Variants in EEIG1 observed in about 807,000 individuals in gnomAD.
EEIG1 encodes the protein early estrogen-induced gene 1 protein.
chr9:127,970,733 ACTC>A, the EEIG1 span, among the ~76,000 whole-genome samples: 1 of 149,480 alleles, frequency 6.7e-6, no homozygotes, highest in East Asian at 2.0e-4. Context: ...CCTCCCCTTG[ACTC>A]CTCCTGACTT....
At chr9:127,957,041 C>T in the EEIG1 span, among the ~76,000 whole-genome samples, 1 of 152,202 alleles carries the variant, frequency 6.6e-6, no homozygotes, top group Admixed American at 6.5e-5. Context: ...TGTGGTGGCT[C>T]ATGTATGTAA....
the EEIG1 span, chr9:127,953,771 A>T: frequency 6.2e-7 from 1 of 1,613,926 alleles, no homozygotes; most frequent in Non-Finnish European, 8.5e-7. Flanking sequence ...CCTATAGCCC[A>T]GCCCAGCAGC....
the EEIG1 span, among the ~76,000 whole-genome samples, chr9:127,980,837 G>C: frequency 1.3e-5 from 2 of 149,350 alleles, no homozygotes; most frequent in Non-Finnish European, 3.0e-5. Flanking sequence ...CTCGATCCTG[G>C]GACCCGCGCC....
the EEIG1 span, among the ~76,000 whole-genome samples, chr9:127,959,006 T>A: frequency 6.6e-6 from 1 of 152,202 alleles, no homozygotes; most frequent in Non-Finnish European, 1.5e-5. Flanking sequence ...ATGGCTAGAA[T>A]CAAAGGCGAA....
chr9:127,975,110 G>C, the EEIG1 span, among the ~76,000 whole-genome samples: 1 of 152,256 alleles, frequency 6.6e-6, no homozygotes, highest in African/African-American at 2.4e-5. Flanking sequence ...AGGGACCAGG[G>C]GGGTGGAGGC....
the EEIG1 span, among the ~76,000 whole-genome samples, chr9:127,965,778 C>T: frequency 6.6e-6 from 1 of 152,232 alleles, no homozygotes; most frequent in Non-Finnish European, 1.5e-5. Context: ...AGAATACAGC[C>T]GCCTGGGAGG....
At chr9:127,967,619 C>T in the EEIG1 span, among the ~76,000 whole-genome samples, 2 of 152,176 alleles carry the variant, frequency 1.3e-5, no homozygotes, top group African/African-American at 4.8e-5. Context: ...CACAGAGCTT[C>T]GGGGCTGGCT....
the EEIG1 span, chr9:127,963,618 ACTCTCCAGGAG>A: frequency 6.6e-6 from 1 of 152,132 alleles, no homozygotes; most frequent in African/African-American, 2.4e-5. Flanking sequence ...GCCCAGCAGA[ACTCTCCAGGAG>A]CTCTCCCAGC....
At chr9:127,944,838 C>G in the EEIG1 span, 1 of 1,612,374 alleles carries the variant, frequency 6.2e-7, no homozygotes, top group Non-Finnish European at 8.5e-7. Flanking sequence ...CGATGGCATC[C>G]GCATCGATCC....
At chr9:127,953,657 C>T in the EEIG1 span, 2 of 1,609,026 alleles carry the variant, frequency 1.2e-6, no homozygotes, top group Admixed American at 1.7e-5. Context: ...TCCCAGGGAC[C>T]TCATGCATCT....
chr9:127,942,975 T>C, the EEIG1 span: 1 of 598,944 alleles, frequency 1.7e-6, no homozygotes, highest in Non-Finnish European at 3.0e-6. Context: ...AGGAGAATAT[T>C]CACAGTGGTG....
chr9:127,980,343 G>C, the EEIG1 span: 1 of 535,648 alleles, frequency 1.9e-6, no homozygotes, highest in South Asian at 2.3e-5. Context: ...TCACCCTCGG[G>C]GAGCCGGGGC....
chr9:127,980,269 G>C, the EEIG1 span: 4 of 1,083,542 alleles, frequency 3.7e-6, no homozygotes, highest in Non-Finnish European at 5.3e-6. Context: ...GGAGACGGCG[G>C]AGATCGGAGT....
At chr9:127,977,140 C>G in the EEIG1 span, among the ~76,000 whole-genome samples, 1 of 152,232 alleles carries the variant, frequency 6.6e-6, no homozygotes, top group African/African-American at 2.4e-5. Context: ...CCACACCTAC[C>G]CAACAGCAAA....
chr9:127,979,026 G>GA, the EEIG1 span, among the ~76,000 whole-genome samples: 5 of 149,770 alleles, frequency 3.3e-5, no homozygotes, highest in African/African-American at 4.9e-5. Flanking sequence ...CCCCAAAAAA[G>GA]AAAAAAAAAT....
At chr9:127,943,271 C>A in the EEIG1 span, 2 of 1,609,758 alleles carry the variant, frequency 1.2e-6, no homozygotes, top group Non-Finnish European at 1.7e-6. Flanking sequence ...ATGTCCCCCT[C>A]GATACCCCAT....
the EEIG1 span, among the ~76,000 whole-genome samples, chr9:127,977,544 T>C: frequency 6.6e-6 from 1 of 152,192 alleles, no homozygotes; most frequent in African/African-American, 2.4e-5. Flanking sequence ...TGACTGGATC[T>C]GGTCCCCACC....
chr9:127,975,451 A>G, the EEIG1 span, among the ~76,000 whole-genome samples: 1 of 152,130 alleles, frequency 6.6e-6, no homozygotes, highest in Non-Finnish European at 1.5e-5. Context: ...CCAAGTACAG[A>G]GCACAAGAGG....
the EEIG1 span, among the ~76,000 whole-genome samples, chr9:127,964,298 G>A: frequency 8.5e-5 from 13 of 152,296 alleles, no homozygotes; most frequent in East Asian, 2.3e-3. Flanking sequence ...CTGTGGTCCC[G>A]AGGTCAGTTC....
Sources: allele counts gnomAD v4.1 joint callset (sites outside exome capture counted in the v4.1 genomes callset), GRCh38; gene constraint gnomAD v4.1.1; transcripts MANE v1.5; gene names NCBI Gene and HGNC (gene_info 2026-07-23, HGNC 2026-07-21).